The following UQCRH variants were observed in gnomAD, a reference collection of about 807,000 sequenced individuals.
UQCRH encodes the protein ubiquinol-cytochrome c reductase hinge protein.
In UQCRH, 14 loss-of-function variants were observed where a neutral mutation model predicts 16.3. The observed-to-expected ratio is 0.86, with a 90% CI of 0.57 to 1.34. UQCRH has a LOEUF of 1.34. UQCRH is among the 40% of genes most tolerant of loss of function. The probability of loss-of-function intolerance (pLI) is 0.00; values close to 1 mark genes in which losing one functional copy is unlikely to be tolerated. For synonymous variants in UQCRH, 41 were observed against 41.9 expected (o/e 0.98, Z 0.08); for missense variants, 89 against 111.9 (o/e 0.80, Z 0.92).
chr1:46,305,298 C>CAAAAA (rs11444271), intron 1 of UQCRH, among the ~76,000 whole-genome samples: 7 of 65,002 alleles, frequency 1.1e-4, no homozygotes, highest in African/African-American at 3.4e-4. Flanking sequence ...GACCCTGTCT[C>CAAAAA]AAAAAAAAAA....
chr1:46,304,464 C>T (rs1246511498), intron 1 of UQCRH, among the ~76,000 whole-genome samples: 1 of 151,428 alleles, frequency 6.6e-6, no homozygotes, highest in Non-Finnish European at 1.5e-5. Flanking sequence ...CGGCTCGCTG[C>T]AACCTCCGCC....
intron 2 of UQCRH, chr1:46,309,831 C>G (rs1661435674): frequency 7.8e-7 from 1 of 1,277,226 alleles, no homozygotes; most frequent in East Asian, 3.9e-5. Flanking sequence ...GCTGTGTTAA[C>G]AAGTAAGGCC....
chr1:46,309,194 G>A (rs1661424997), intron 2 of UQCRH, 67 bp downstream of exon 2: 1 of 1,574,552 alleles, frequency 6.4e-7, no homozygotes, highest in African/African-American at 1.4e-5. Flanking sequence ...GAAATTCTAA[G>A]GGCATTTTAA....
chr1:46,303,827 C>T lies in UQCRH; in HGVS notation c.54+7C>T, dbSNP rs779599379. 274 of 1,614,136 alleles carry T rather than the reference C, an allele frequency of 1.7e-4. No individual in the cohort carries two copies. The highest frequency in any genetic ancestry group is 2.3e-4 in the Non-Finnish European group (272 of 1,180,020). Reference sequence around the variant, plus strand: ...ATCCGGAGATCCTGAGGAGGTAAGGCAAGGCGATCCACTCGGCCCTCTTCT... The same window carrying T: ...ATCCGGAGATCCTGAGGAGGTAAGGTAAGGCGATCCACTCGGCCCTCTTCT... On this transcript the variant is annotated splice_region_variant and intron_variant, in intron 1 of 3. Transcript: ENST00000311672.
chr1:46,315,255 AC>A (rs1351274657), intron 3 of UQCRH, among the ~76,000 whole-genome samples: 1 of 152,002 alleles, frequency 6.6e-6, no homozygotes, highest in Non-Finnish European at 1.5e-5. Flanking sequence ...GACCAGCCTG[AC>A]CAACATGGAG....
At chr1:46,315,614 T>C (rs1029536866) in intron 3 of UQCRH, among the ~76,000 whole-genome samples, 4 of 148,396 alleles carry the variant, frequency 2.7e-5, no homozygotes, top group African/African-American at 1.0e-4. Flanking sequence ...AAAAAAAAGA[T>C]TAAAATAGAA....
intron 1 of UQCRH, among the ~76,000 whole-genome samples, chr1:46,306,667 C>T (rs1040892207): frequency 2.0e-5 from 3 of 152,086 alleles, no homozygotes; most frequent in African/African-American, 7.2e-5. Flanking sequence ...CCACTGCACC[C>T]GGCTTTCAGT....
chr1:46,315,064 G>T (rs1385786892), intron 3 of UQCRH, among the ~76,000 whole-genome samples: 1 of 152,098 alleles, frequency 6.6e-6, no homozygotes, highest in Non-Finnish European at 1.5e-5. Flanking sequence ...ACTTTGGGAG[G>T]CCAAGGCAGG....
Position 46,310,080 on chromosome 1 carries a change from G to A in UQCRH, c.82-75G>A, listed in dbSNP as rs373027304. The A allele has an allele frequency of 5.6e-6, 9 of 1,597,966 alleles. No individual in the cohort carries two copies. In the African/African-American group the frequency reaches 1.2e-4, roughly 21 times the overall value. ...GGCAGCACCTTGGTTTGGTGGTTGT[G>A]TTAATCAAAGCATATGTGTTTGGTG... On this transcript the variant is annotated intron_variant, in intron 2 of 3. Coordinates refer to ENST00000311672, the MANE Select transcript of UQCRH (RefSeq NM_006004.4).
intron 1 of UQCRH, among the ~76,000 whole-genome samples, chr1:46,306,484 C>T (rs375566864): frequency 6.6e-6 from 1 of 150,968 alleles, no homozygotes; most frequent in African/African-American, 2.4e-5. Context: ...GGCAATGCTC[C>T]TGCCTCAGTC....
intron 1 of UQCRH, among the ~76,000 whole-genome samples, chr1:46,305,390 G>A (rs962481017): frequency 6.7e-6 from 1 of 150,070 alleles, no homozygotes; most frequent in African/African-American, 2.5e-5. Context: ...ATGAGAAAAA[G>A]CAAGTAATTA....
chr1:46,311,724 C>T (rs543211920), intron 3 of UQCRH, among the ~76,000 whole-genome samples: 9 of 148,312 alleles, frequency 6.1e-5, no homozygotes, highest in Non-Finnish European at 1.0e-4. Flanking sequence ...TCCCGAGTAG[C>T]TGGGACCGCA....
chr1:46,310,303 C>G lies in UQCRH; in HGVS notation c.230C>G (p.Ala77Gly), dbSNP rs181971906. The change falls in exon 3 of 4, where the codon GCG (alanine) becomes GGG (glycine). Residue 77 changes from alanine (A) to glycine (G), a missense_variant. Coordinates refer to ENST00000311672, the MANE Select transcript of UQCRH (RefSeq NM_006004.4). Reference protein sequence around the residue: ...CTEELFDFLHARDHCVAHKLF... With the variant: ...CTEELFDFLHGRDHCVAHKLF... Reference sequence around the variant, plus strand: ...GAGGAGCTCTTTGACTTCTTGCATGCGAGGGACCATTGCGTAAGTCAGTGG... The same window carrying G: ...GAGGAGCTCTTTGACTTCTTGCATGGGAGGGACCATTGCGTAAGTCAGTGG... The G allele has an allele frequency of 2.0e-5, 32 of 1,614,012 alleles. 1 individual carries two copies. The South Asian group carries it at 2.7e-4, about 14-fold the overall frequency.
intron 1 of UQCRH, 129 bp from the exon 2 acceptor site, chr1:46,308,972 A>G (rs1661420602): frequency 8.6e-7 from 1 of 1,166,996 alleles, no homozygotes. Flanking sequence ...TAAAAACATC[A>G]TAAAACACAG....
intron 3 of UQCRH, among the ~76,000 whole-genome samples, chr1:46,312,968 A>G (rs1217326002): frequency 6.6e-6 from 1 of 152,132 alleles, no homozygotes; most frequent in Non-Finnish European, 1.5e-5. Context: ...CAATGTGGAA[A>G]AGTTGGAAAC....
chr1:46,311,717 CGA>C (rs1661480697), intron 3 of UQCRH, among the ~76,000 whole-genome samples: 1 of 147,584 alleles, frequency 6.8e-6, no homozygotes, highest in Non-Finnish European at 1.5e-5. Flanking sequence ...CTCTGCCTCC[CGA>C]GTAGCTGGGA....
At position 46,308,594 on chromosome 1, in the gene UQCRH, T is replaced by C. The variant is rs1355819534; in HGVS notation, c.55-507T>C. 2.0e-5 allele frequency among the ~76,000 whole-genome samples: 3 copies of C among 152,194 alleles called. No homozygotes were observed. The East Asian group carries it at 5.8e-4, about 29-fold the overall frequency. On this transcript the variant is annotated intron_variant, in intron 1 of 3. Coordinates refer to ENST00000311672, the MANE Select transcript of UQCRH (RefSeq NM_006004.4). ...GCTAATGCCTATAATCCCACCACTT[T>C]GGGAGGCCAAGGTAGGAGGATTGAT...
chr1:46,312,917 A>G (rs376549815), intron 3 of UQCRH, among the ~76,000 whole-genome samples: 7 of 152,108 alleles, frequency 4.6e-5, no homozygotes, highest in African/African-American at 1.5e-4. Flanking sequence ...CCAACTGCCC[A>G]CTAGGATGGC....
chr1:46,305,321 A>C (rs1661350169), intron 1 of UQCRH, among the ~76,000 whole-genome samples: 1 of 148,694 alleles, frequency 6.7e-6, no homozygotes, highest in South Asian at 2.1e-4. Flanking sequence ...AAAAAAAAAA[A>C]CTAAAGAAAG....
Sources: allele counts gnomAD v4.1 joint callset (sites outside exome capture counted in the v4.1 genomes callset), GRCh38; gene constraint gnomAD v4.1.1; transcripts MANE v1.5; gene names NCBI Gene and HGNC (gene_info 2026-07-23, HGNC 2026-07-21).